The following NEMF variants were observed in gnomAD, a reference collection of about 807,000 sequenced individuals.
NEMF encodes ribosome quality control complex subunit NEMF.
A neutral mutation model predicts 162.2 loss-of-function variants in NEMF; 89 were observed. The ratio of observed to expected loss-of-function variants is 0.55; its 90% CI spans 0.46 to 0.65. The LOEUF (loss-of-function observed/expected upper bound fraction) is 0.65. Ranked by LOEUF, NEMF falls within the 30% of genes least tolerant of loss-of-function variation. NEMF has a pLI of 0.00. For missense variants in NEMF, 1,133 were observed against 1,261.9 expected (o/e 0.90, Z 1.55); for synonymous variants, 421 against 404.5 (o/e 1.04, Z -0.49).
chr14:49,834,394 A>G lies in NEMF; in HGVS notation c.630T>C (p.Asn210=). ...HCLLENGFSG[N]VKVDEKLETK... ...TTTCAAGTTTTTCATCCACTTTGAC[A>G]TTACCCGAGAATCCATTTTCTAAAA... Residue 210 remains asparagine, a synonymous_variant, in exon 7 of 33, where the codon AAT becomes AAC. Coordinates refer to ENST00000298310, the MANE Select transcript of NEMF (RefSeq NM_004713.6). 6.2e-7 allele frequency: 1 copy of G among 1,608,698 alleles called. No individual in the cohort carries two copies. The highest frequency in any genetic ancestry group is 8.5e-7 in the Non-Finnish European group (1 of 1,175,014).
In NEMF at chr14:49,840,874, A is replaced by G. The variant is rs554775516; in HGVS notation, c.358-8T>C. The G allele has an allele frequency of 6.9e-6, 11 of 1,605,186 alleles. No homozygotes were observed. In the South Asian group the frequency reaches 1.0e-4, roughly 15 times the overall value. On this transcript the variant is annotated splice_region_variant and splice_polypyrimidine_tract_variant and intron_variant, in intron 4 of 32. Coordinates refer to ENST00000298310, the MANE Select transcript of NEMF (RefSeq NM_004713.6). The stretch of plus-strand genomic sequence containing the variant: ...TGTAAGAACAATGTTCCCCTGCAAT[A>G]AAATAAAATACAATTTAGCGCTCTT...
At chr14:49,823,382 T>C (rs1892182010) in intron 16 of NEMF, among the ~76,000 whole-genome samples, 1 of 151,920 alleles carries the variant, frequency 6.6e-6, no homozygotes, top group Non-Finnish European at 1.5e-5. Flanking sequence ...AACTTATTTA[T>C]TTTTTTAAAA....
chr14:49,835,745 G>C (rs968858236), intron 6 of NEMF, among the ~76,000 whole-genome samples: 1 of 152,120 alleles, frequency 6.6e-6, no homozygotes, highest in Non-Finnish European at 1.5e-5. Flanking sequence ...ACATGATCCT[G>C]TACCTTAAAA....
At chr14:49,794,148 T>C (rs1890580076) in intron 26 of NEMF, among the ~76,000 whole-genome samples, 1 of 152,226 alleles carries the variant, frequency 6.6e-6, no homozygotes, top group Non-Finnish European at 1.5e-5. Context: ...ATTCCTATGT[T>C]AATAACATGC....
intron 19 of NEMF, among the ~76,000 whole-genome samples, chr14:49,804,799 A>G (rs1486668092): frequency 6.6e-6 from 1 of 152,098 alleles, no homozygotes; most frequent in African/African-American, 2.4e-5. Context: ...GGGAGGCGGA[A>G]GCAGGAGGAT....
At chr14:49,831,388 G>C in intron 10 of NEMF, 27 bp from the exon 11 acceptor site, 1 of 1,398,766 alleles carries the variant, frequency 7.1e-7, no homozygotes, top group Non-Finnish European at 1.0e-6. Flanking sequence ...ACAACTAGTT[G>C]GAAAAAAAAG....
In NEMF at chr14:49,795,867, C is replaced by A; in HGVS notation, c.2543G>T (p.Ser848Ile). Residue 848 changes from serine to isoleucine, a missense_variant, in exon 26 of 33, where the codon AGT becomes ATT. Physicochemically the swap from Ser to Ile is moderately radical, Grantham distance 142 (BLOSUM62 -2). Coordinates refer to ENST00000298310, the MANE Select transcript of NEMF (RefSeq NM_004713.6). ...CTGATGAGTTTCAATGTGTACAGTACTTTCTTTTTCTTTATCCTTTCCCTC... is the reference window on the plus strand; with the variant it reads ...CTGATGAGTTTCAATGTGTACAGTAATTTCTTTTTCTTTATCCTTTCCCTC... ...ALEGKDKEKE[S>I]TVHIETHQNT... is the part of the protein sequence containing the mutation. 1 of 1,613,314 alleles carries A rather than the reference C, an allele frequency of 6.2e-7. No individual in the cohort carries two copies. Among genetic ancestry groups the A allele is most frequent in the South Asian group, 1.1e-5 (1 of 91,002 alleles).
At chr14:49,795,996 G>C in intron 25 of NEMF, 52 bp from the exon 26 acceptor site, 2 of 1,489,376 alleles carry the variant, frequency 1.3e-6, no homozygotes, top group South Asian at 1.2e-5. Flanking sequence ...GAAATTCTTA[G>C]TGCCCTAAAA....
At chr14:49,799,554 AATATCACTATT>A (rs1566658536) in intron 24 of NEMF, 30 bp from the exon 25 acceptor site, 1 of 1,603,496 alleles carries the variant, frequency 6.2e-7, no homozygotes, top group Admixed American at 1.8e-5. Context: ...GGCAAATGCA[AATATCACTATT>A]AACTTTTTTG....
intron 14 of NEMF, 72 bp from the exon 15 acceptor site, chr14:49,828,426 G>T: frequency 9.3e-7 from 1 of 1,070,860 alleles, no homozygotes; most frequent in South Asian, 1.5e-5. Context: ...GTTCTAACTT[G>T]ACAAATTCTC....
intron 32 of NEMF, 101 bp downstream of exon 32, chr14:49,784,824 C>G: frequency 2.1e-6 from 3 of 1,400,496 alleles, no homozygotes; most frequent in Non-Finnish European, 3.0e-6. Flanking sequence ...GGTTTTACTG[C>G]TTCTAATAAG....
intron 18 of NEMF, 99 bp from the exon 19 acceptor site, chr14:49,806,232 G>GTGTGTA (rs33975647): frequency 5.5e-5 from 2 of 36,268 alleles, no homozygotes; most frequent in South Asian, 2.7e-4. Flanking sequence ...AATGATATGT[G>GTGTGTA]TATATATATA....
chr14:49,805,620 T>G (rs4548790), intron 19 of NEMF, among the ~76,000 whole-genome samples: 147,335 of 151,944 alleles, frequency 0.97, 71,615 homozygotes, highest in Middle Eastern at 1. Flanking sequence ...TTTCTGGAAG[T>G]GCCCAAGAGA....
At chr14:49,841,659 TC>T (rs1222116239) in intron 4 of NEMF, among the ~76,000 whole-genome samples, 1 of 152,000 alleles carries the variant, frequency 6.6e-6, no homozygotes, top group Non-Finnish European at 1.5e-5. Context: ...ATATTACACT[TC>T]CACCTGCAAT....
intron 3 of NEMF, among the ~76,000 whole-genome samples, chr14:49,847,720 T>C (rs79237304): frequency 1.4e-3 from 5 of 3,520 alleles, no homozygotes; most frequent in Non-Finnish European, 2.2e-3. Flanking sequence ...TTTTTTTTTT[T>C]TTTTTTTTTT....
rs373653916 is a variant in NEMF, at chr14:49,806,422, G to A, written c.1745-289C>T. Among the ~76,000 whole-genome samples, 53 of 149,534 alleles carry A rather than the reference G, an allele frequency of 3.5e-4. No individual in the cohort carries two copies. The South Asian group carries it at 0.01, about 28-fold the overall frequency. ...ATTACCAGCGCCCGCCACCATGCCC[G>A]GCTAAATTTTTGTATCTTTAGTAGA... On this transcript the variant is annotated intron_variant, in intron 18 of 32. Coordinates refer to ENST00000298310, the MANE Select transcript of NEMF (RefSeq NM_004713.6).
chr14:49,809,509 T>C (rs189876470), intron 18 of NEMF, among the ~76,000 whole-genome samples: 122 of 152,236 alleles, frequency 8.0e-4, no homozygotes, highest in Non-Finnish European at 1.3e-3. Context: ...ATCTGTATGA[T>C]AATACAATGG....
chr14:49,806,929 G>A (rs1891244413), intron 18 of NEMF, among the ~76,000 whole-genome samples: 1 of 152,120 alleles, frequency 6.6e-6, no homozygotes, highest in African/African-American at 2.4e-5. Context: ...ACAATTCAGT[G>A]GCTTTTTGTA....
chr14:49,850,006 A>C (rs1893693105), intron 3 of NEMF, among the ~76,000 whole-genome samples: 1 of 152,224 alleles, frequency 6.6e-6, no homozygotes, highest in Non-Finnish European at 1.5e-5. Flanking sequence ...TAATGAAATA[A>C]CTCAATGCCA....
Sources: allele counts gnomAD v4.1 joint callset (sites outside exome capture counted in the v4.1 genomes callset), GRCh38; gene constraint gnomAD v4.1.1; transcripts MANE v1.5; gene names NCBI Gene and HGNC (gene_info 2026-07-23, HGNC 2026-07-21).